PHACTR4: variants seen among roughly 807,000 people sequenced by gnomAD.
PHACTR4 encodes protein phosphatase 1, regulatory subunit 124.
A neutral mutation model predicts 72.7 loss-of-function variants in PHACTR4; 51 were observed. The observed-to-expected ratio is 0.70, with a 90% CI of 0.56 to 0.89. The LOEUF (loss-of-function observed/expected upper bound fraction) is 0.89. PHACTR4 is among the 40% of genes least tolerant of loss of function. The pLI is 0.00. For synonymous variants in PHACTR4, 255 were observed against 302.5 expected (o/e 0.84, Z 1.63); for missense variants, 731 against 861.8 (o/e 0.85, Z 1.90).
Position 28,418,711 on chromosome 1 carries a change from G to A in PHACTR4, c.16+11248G>A, listed in dbSNP as rs188687944. ...TCACACCTGTAATCTCAGGACTTTG[G>A]GAGGCTGAGGCAGTGGATCACCTGA... On this transcript the variant is annotated intron_variant, in intron 2 of 13. Coordinates refer to ENST00000373839, the MANE Select transcript of PHACTR4 (RefSeq NM_001048183.3). 2.1e-3 allele frequency among the ~76,000 whole-genome samples: 317 copies of A among 152,180 alleles called. 3 individuals are homozygous for A. The highest frequency in any genetic ancestry group is 6.8e-3 in the Middle Eastern group (2 of 292).
chr1:28,481,804 AAAAG>A (rs1360881336), intron 9 of PHACTR4, among the ~76,000 whole-genome samples: 1 of 148,144 alleles, frequency 6.8e-6, no homozygotes, highest in Non-Finnish European at 1.5e-5. Flanking sequence ...AAAAAAAAAG[AAAAG>A]AAAAGAAACA....
intron 9 of PHACTR4, among the ~76,000 whole-genome samples, chr1:28,482,442 T>C (rs868176264): frequency 5.9e-5 from 9 of 152,258 alleles, no homozygotes; most frequent in South Asian, 2.1e-4. Flanking sequence ...ACCAAAAGTA[T>C]AGAGAAACTG....
intron 10 of PHACTR4, among the ~76,000 whole-genome samples, chr1:28,490,288 T>C (rs1660947582): frequency 6.6e-6 from 1 of 152,144 alleles, no homozygotes; most frequent in Non-Finnish European, 1.5e-5. Flanking sequence ...CTATAAGAAA[T>C]ATCTGGGCCG....
At chr1:28,413,795 T>C (rs765797234) in intron 2 of PHACTR4, among the ~76,000 whole-genome samples, 2 of 152,188 alleles carry the variant, frequency 1.3e-5, no homozygotes, top group Non-Finnish European at 2.9e-5. Flanking sequence ...TGTCTAGTAA[T>C]AATTAACTGT....
At position 28,456,642 on chromosome 1, in the gene PHACTR4, T is replaced by G. The variant is rs527728814; in HGVS notation, c.17-2443T>G. The stretch of plus-strand genomic sequence containing the variant: ...CTGCCCAACTAATTTTTTTTTTTTT[T>G]TAAGAGACAGGGTTTCTTCATGTTC... On this transcript the variant is annotated intron_variant, in intron 2 of 13. Coordinates refer to ENST00000373839, the MANE Select transcript of PHACTR4 (RefSeq NM_001048183.3). 2.6e-5 allele frequency among the ~76,000 whole-genome samples: 4 copies of G among 152,132 alleles called. No homozygotes were observed. The East Asian group carries it at 5.8e-4, about 22-fold the overall frequency.
intron 1 of PHACTR4, among the ~76,000 whole-genome samples, chr1:28,399,406 T>C (rs768414266): frequency 6.6e-6 from 1 of 152,244 alleles, no homozygotes; most frequent in Non-Finnish European, 1.5e-5. Context: ...TGTTAAGTGA[T>C]ATGGCATGAT....
chr1:28,390,065 A>G (rs1188423612), intron 1 of PHACTR4, among the ~76,000 whole-genome samples: 1 of 152,222 alleles, frequency 6.6e-6, no homozygotes, highest in Non-Finnish European at 1.5e-5. Context: ...GTCATTTGGG[A>G]CAACATGGAT....
intron 4 of PHACTR4, among the ~76,000 whole-genome samples, chr1:28,465,115 CAAT>C (rs1393102618): frequency 6.6e-6 from 1 of 151,946 alleles, no homozygotes; most frequent in Non-Finnish European, 1.5e-5. Context: ...ATCTAGATCT[CAAT>C]AATAAACTAA....
At chr1:28,491,316 G>T (rs1017208132) in intron 11 of PHACTR4, among the ~76,000 whole-genome samples, 9 of 152,018 alleles carry the variant, frequency 5.9e-5, no homozygotes, top group Non-Finnish European at 2.9e-5. Context: ...ATATTAGCCA[G>T]GCATGGTGGT....
chr1:28,464,209 A>G (rs940570500), intron 4 of PHACTR4, among the ~76,000 whole-genome samples: 1 of 149,522 alleles, frequency 6.7e-6, no homozygotes, highest in South Asian at 2.1e-4. Context: ...CAGATGATCC[A>G]CCCGCCTCGG....
intron 2 of PHACTR4, among the ~76,000 whole-genome samples, chr1:28,409,548 T>C (rs955243359): frequency 4.6e-5 from 7 of 152,208 alleles, no homozygotes; most frequent in Non-Finnish European, 1.0e-4. Flanking sequence ...CTTGTTTAAT[T>C]TCAGCGTACT....
chr1:28,427,121 A>T (rs35677846), intron 2 of PHACTR4, among the ~76,000 whole-genome samples: 58,646 of 152,114 alleles, frequency 0.39, 13,009 homozygotes, highest in African/African-American at 0.6. Context: ...CTGAGCAGCA[A>T]GTTTGATAAC....
intron 2 of PHACTR4, among the ~76,000 whole-genome samples, chr1:28,449,022 T>C (rs1657737552): frequency 6.6e-6 from 1 of 151,530 alleles, no homozygotes; most frequent in South Asian, 2.1e-4. Context: ...TCTGCACCTG[T>C]AGTTCTATCT....
intron 2 of PHACTR4, among the ~76,000 whole-genome samples, chr1:28,414,861 T>A (rs1655009699): frequency 6.6e-6 from 1 of 152,162 alleles, no homozygotes; most frequent in South Asian, 2.1e-4. Context: ...TTTACCTTGC[T>A]TCTCCTGATT....
At chr1:28,461,499 AG>A (rs1658805727) in intron 4 of PHACTR4, among the ~76,000 whole-genome samples, 1 of 152,192 alleles carries the variant, frequency 6.6e-6, no homozygotes, top group Non-Finnish European at 1.5e-5. Flanking sequence ...AAATAGATGG[AG>A]TATTACTGTA....
intron 6 of PHACTR4, among the ~76,000 whole-genome samples, chr1:28,471,483 T>G (rs193027756): frequency 6.6e-6 from 1 of 152,246 alleles, no homozygotes; most frequent in African/African-American, 2.4e-5. Flanking sequence ...ACTAAAGGGT[T>G]TGAGTAGAAG....
intron 2 of PHACTR4, among the ~76,000 whole-genome samples, chr1:28,410,762 A>G (rs1015583750): frequency 6.6e-6 from 1 of 152,062 alleles, no homozygotes; most frequent in African/African-American, 2.4e-5. Flanking sequence ...GCTGGAGTGC[A>G]ATGGCACAGT....
chr1:28,403,892 C>A (rs1024803789), intron 1 of PHACTR4, among the ~76,000 whole-genome samples: 4 of 152,190 alleles, frequency 2.6e-5, no homozygotes, highest in Non-Finnish European at 1.5e-5. Context: ...ATCCATGTTA[C>A]AACACGTATC....
At chr1:28,442,995 G>A (rs1399423504) in intron 2 of PHACTR4, among the ~76,000 whole-genome samples, 2 of 152,054 alleles carry the variant, frequency 1.3e-5, no homozygotes, top group Admixed American at 6.6e-5. Context: ...TAGTCATTCT[G>A]CAGTGGCATA....
Sources: allele counts gnomAD v4.1 joint callset (sites outside exome capture counted in the v4.1 genomes callset), GRCh38; gene constraint gnomAD v4.1.1; transcripts MANE v1.5; gene names NCBI Gene and HGNC (gene_info 2026-07-23, HGNC 2026-07-21).